Variants in CCDC38 observed in about 807,000 individuals in gnomAD.
The protein encoded by CCDC38 is coiled-coil domain containing 38.
CCDC38 carries 69 observed loss-of-function variants against 72.8 expected under a neutral mutation model. The observed-to-expected ratio is 0.95, with a 90% confidence interval of 0.78 to 1.16. CCDC38 has a LOEUF of 1.16. CCDC38 is among the 50% of genes most tolerant of loss of function. The pLI, the probability that CCDC38 is intolerant of heterozygous loss-of-function variation, is 0.00. For synonymous variants in CCDC38, 201 were observed against 213.2 expected (o/e 0.94, Z 0.50); for missense variants, 626 against 638.9 (o/e 0.98, Z 0.22).
chr12:95,872,197 G>T, intron 14 of CCDC38, 58 bp downstream of exon 14: 1 of 1,490,828 alleles, frequency 6.7e-7, no homozygotes, highest in Non-Finnish European at 9.3e-7. Context: ...TAATGTGTTT[G>T]TGGAATCTGA....
Position 95,917,390 on chromosome 12 carries a change from A to T in CCDC38, c.139-96T>A, listed in dbSNP as rs1013613492. On this transcript the variant is annotated intron_variant, in intron 3 of 15. Transcript: ENST00000344280. ...ATATAAAAATAACATTTGCAACAAA[A>T]ATCTTAACATTAAAAAAACAACCCC... 5 of 1,053,568 alleles carry T rather than the reference A, an allele frequency of 4.7e-6. No individual in the cohort carries two copies. The African/African-American group carries it at 8.4e-5, about 18-fold the overall frequency. 65.3% of individuals were successfully genotyped at this position (1,053,568 alleles called of 1,614,324 possible).
Position 95,898,743 on chromosome 12 carries a change from G to A in CCDC38, c.370-12C>T, listed in dbSNP as rs920602351. ...GTTGACAAAGCATACTAGGGGCATTGAAGACAGAGGTGTAAAAACATGATT... is the reference window on the plus strand; with the variant it reads ...GTTGACAAAGCATACTAGGGGCATTAAAGACAGAGGTGTAAAAACATGATT... On this transcript the variant is annotated splice_polypyrimidine_tract_variant and intron_variant, in intron 5 of 15. Coordinates refer to ENST00000344280, the MANE Select transcript of CCDC38 (RefSeq NM_182496.3). 2 of 1,607,966 alleles carry A rather than the reference G, an allele frequency of 1.2e-6. No individual in the cohort carries two copies. The highest frequency in any genetic ancestry group is 1.7e-6 in the Non-Finnish European group (2 of 1,178,322).
rs1051730151 is a variant in CCDC38, at chr12:95,915,425, C to T, written c.304+1704G>A. Among the ~76,000 whole-genome samples, 33 of 152,254 alleles carry T rather than the reference C, an allele frequency of 2.2e-4. 1 individual carries two copies. The highest frequency in any genetic ancestry group is 2.0e-3 in the Admixed American group (31 of 15,292). On this transcript the variant is annotated intron_variant, in intron 4 of 15. Transcript: ENST00000344280. ...AACCAGAGTCAGGCTGCTCGCTGTG[C>T]GAAGATGGAAATGGCACTTCTCTCA...
At chr12:95,938,137 A>G (rs1243370339) in intron 1 of CCDC38, among the ~76,000 whole-genome samples, 1 of 152,248 alleles carries the variant, frequency 6.6e-6, no homozygotes, top group Non-Finnish European at 1.5e-5. Flanking sequence ...AAGCTTATAA[A>G]AGAGAAAAAA....
intron 2 of CCDC38, among the ~76,000 whole-genome samples, chr12:95,929,033 C>T (rs1199753344): frequency 6.6e-6 from 1 of 152,218 alleles, no homozygotes; most frequent in East Asian, 1.9e-4. Flanking sequence ...CCTACAGAGG[C>T]AGGCAGGCCT....
At position 95,925,084 on chromosome 12, in the gene CCDC38, C is replaced by T. The variant is rs1430138795; in HGVS notation, c.38-6108G>A. ...TTTTCCAATTCTGTGAAGAAAGTCACTGGTAGCTTGATGGGGATGGCATTG... is the reference window on the plus strand; with the variant it reads ...TTTTCCAATTCTGTGAAGAAAGTCATTGGTAGCTTGATGGGGATGGCATTG... On this transcript the variant is annotated intron_variant, in intron 2 of 15. Transcript: ENST00000344280. 5.3e-5 allele frequency among the ~76,000 whole-genome samples: 8 copies of T among 150,976 alleles called. No individual in the cohort carries two copies. The South Asian group carries it at 8.4e-4, about 16-fold the overall frequency.
chr12:95,900,335 G>A (rs2079937270), intron 5 of CCDC38, among the ~76,000 whole-genome samples: 1 of 152,126 alleles, frequency 6.6e-6, no homozygotes, highest in African/African-American at 2.4e-5. Flanking sequence ...CTAAAATCCT[G>A]AAAATCAAAA....
chr12:95,911,418 C>T (rs80015123), intron 4 of CCDC38, among the ~76,000 whole-genome samples: 1 of 152,064 alleles, frequency 6.6e-6, no homozygotes, highest in Non-Finnish European at 1.5e-5. Context: ...CAGCAAAAAA[C>T]ACTATCAACA....
chr12:95,908,446 AG>A (rs200488878), intron 4 of CCDC38, among the ~76,000 whole-genome samples: 58 of 1,634 alleles, frequency 0.035, no homozygotes, highest in East Asian at 0.25. Flanking sequence ...CCGTGGAAAG[AG>A]GGAGAGGGAG....
chr12:95,890,949 G>A lies in CCDC38; in HGVS notation c.773-19C>T, dbSNP rs1441731941. On this transcript the variant is annotated intron_variant, in intron 8 of 15. Transcript: ENST00000344280. ...GATAATTCTAGAAATGGCAAATGAA[G>A]AGGAGAGAGACAGAGAAAGATGGGG... 6 of 1,377,378 alleles carry A rather than the reference G, an allele frequency of 4.4e-6. No individual in the cohort carries two copies. In the South Asian group the frequency reaches 7.1e-5, roughly 16 times the overall value. The allele number at this position is 1,377,378 out of a possible 1,614,324, so 85.3% of individuals were successfully genotyped here.
intron 4 of CCDC38, among the ~76,000 whole-genome samples, chr12:95,908,193 A>T (rs2080034399): frequency 6.6e-6 from 1 of 150,974 alleles, no homozygotes; most frequent in African/African-American, 2.4e-5. Context: ...AGTGAAGGAG[A>T]CTCCGTCTGC....
At position 95,883,065 on chromosome 12, in the gene CCDC38, G is replaced by A. The variant is rs147522789; in HGVS notation, c.921-1511C>T. 6.3e-3 allele frequency among the ~76,000 whole-genome samples: 955 copies of A among 152,204 alleles called. 5 individuals carry two copies. The highest frequency in any genetic ancestry group is 0.019 in the African/African-American group (783 of 41,526). ...ACTTCCCTCAATCTTTACATAAGCC[G>A]TTCAAAGTCCTGTCAGTGCCACTTC... On this transcript the variant is annotated intron_variant, in intron 10 of 15. Coordinates refer to ENST00000344280, the MANE Select transcript of CCDC38 (RefSeq NM_182496.3).
intron 13 of CCDC38, among the ~76,000 whole-genome samples, chr12:95,874,406 CCT>C (rs746375886): frequency 3.6e-4 from 55 of 152,106 alleles, no homozygotes; most frequent in Non-Finnish European, 7.2e-4. Context: ...ACCCCCTCCC[CCT>C]TTTTTTCTTA....
rs751802793 is a variant in CCDC38, at chr12:95,898,604, C to T, written c.497G>A (p.Arg166Gln). ...DDALAFEEFLRENDQRSVDAL... is the reference protein window; with the variant it reads ...DDALAFEEFLQENDQRSVDAL... ...GTCTACAGATCTCTGGTCATTTTCT[C>T]GAAGGAACTCTTCAAAGGCCAGTGC... Residue 166 changes from arginine (R) to glutamine (Q), a missense_variant, in exon 6 of 16, where the codon CGA becomes CAA. Transcript: ENST00000344280. The T allele has an allele frequency of 9.3e-6, 15 of 1,614,006 alleles. No individual in the cohort carries two copies. The highest frequency in any genetic ancestry group is 2.7e-5 in the African/African-American group (2 of 74,920).
At chr12:95,906,639 G>A (rs562174212) in intron 4 of CCDC38, among the ~76,000 whole-genome samples, 188 bp from the exon 5 acceptor site, 1 of 151,916 alleles carries the variant, frequency 6.6e-6, no homozygotes, top group South Asian at 2.1e-4. Flanking sequence ...TTTATTTTAT[G>A]TCTATCATAT....
Position 95,869,564 on chromosome 12 carries a change from A to G in CCDC38, c.1494T>C (p.Asp498=). 6.2e-7 allele frequency: 1 copy of G among 1,612,694 alleles called. No individual in the cohort carries two copies. The highest frequency in any genetic ancestry group is 8.5e-7 in the Non-Finnish European group (1 of 1,179,446). The change falls in exon 15 of 16, where the codon GAT becomes GAC. Residue 498 remains aspartate, a synonymous_variant. Transcript: ENST00000344280. ...GTCTTTGTTTTTCTTTCATTTTCTC[A>G]TCACGAAACCTGTCACAAGAAGGGA... ...KQKEWRQKFR[D]EKMKEKQRHQ...
chr12:95,919,514 T>A (rs772548138), intron 2 of CCDC38: 5 of 455,952 alleles, frequency 1.1e-5, no homozygotes, highest in African/African-American at 2.0e-5. Context: ...TCTCAGGCCA[T>A]GTTTAGTTTG....
intron 8 of CCDC38, among the ~76,000 whole-genome samples, chr12:95,891,609 A>G (rs999408409): frequency 1.3e-5 from 2 of 151,996 alleles, no homozygotes; most frequent in African/African-American, 4.8e-5. Context: ...TGGCCTCCCA[A>G]ATTGTTGGGA....
At chr12:95,878,552 C>A (rs1371532360) in intron 12 of CCDC38, among the ~76,000 whole-genome samples, 1 of 152,176 alleles carries the variant, frequency 6.6e-6, no homozygotes, top group Non-Finnish European at 1.5e-5. Context: ...TTTTTAACTT[C>A]CATCAGAAGG....
Sources: allele counts gnomAD v4.1 joint callset (sites outside exome capture counted in the v4.1 genomes callset), GRCh38; gene constraint gnomAD v4.1.1; transcripts MANE v1.5; gene names NCBI Gene and HGNC (gene_info 2026-07-23, HGNC 2026-07-21).